PTPRN2: variants seen among roughly 807,000 people sequenced by gnomAD.
PTPRN2 encodes the protein protein tyrosine phosphatase receptor type N2.
PTPRN2 carries 74 observed loss-of-function variants against 118.8 expected under a neutral mutation model. The ratio of observed to expected loss-of-function variants is 0.62; its 90% CI spans 0.52 to 0.76. The LOEUF (loss-of-function observed/expected upper bound fraction) is 0.76. Ranked by LOEUF, PTPRN2 falls within the 30% of genes least tolerant of loss-of-function variation. The pLI, the probability that PTPRN2 is intolerant of heterozygous loss-of-function variation, is 0.00. For synonymous variants in PTPRN2, 641 were observed against 608.0 expected, an observed-to-expected ratio of 1.05 and a Z score of -0.80; for missense variants, 1,481 against 1,394.4, an observed-to-expected ratio of 1.06 and a Z score of -0.99.
At chr7:158,102,200 C>T (rs1259179448) in intron 10 of PTPRN2, among the ~76,000 whole-genome samples, 1 of 152,190 alleles carries the variant, frequency 6.6e-6, no homozygotes. Flanking sequence ...AGGGAACCTT[C>T]AGAAAACACT....
chr7:158,253,071 C>A (rs1043327881), intron 3 of PTPRN2, among the ~76,000 whole-genome samples: 1 of 152,226 alleles, frequency 6.6e-6, no homozygotes, highest in Non-Finnish European at 1.5e-5. Flanking sequence ...CCAAACCCAA[C>A]CACAGTTCCA....
In PTPRN2 at chr7:158,033,218, T is replaced by A. The variant is rs1217703145; in HGVS notation, c.1723+48080A>T. On this transcript the variant is annotated intron_variant, in intron 11 of 22. Coordinates refer to ENST00000389418, the MANE Select transcript of PTPRN2 (RefSeq NM_002847.5). ...GCCTGGTGGTGGCCACCAAGCCTGATGGAGCCATCAGGGCCACACATGGAG... is the reference window on the plus strand; with the variant it reads ...GCCTGGTGGTGGCCACCAAGCCTGAAGGAGCCATCAGGGCCACACATGGAG... Among the ~76,000 whole-genome samples, 3 of 110,398 alleles carry A rather than the reference T, an allele frequency of 2.7e-5. No homozygotes were observed. The South Asian group carries it at 8.1e-4, about 30-fold the overall frequency. 72.4% of individuals were successfully genotyped at this position (110,398 alleles called of 152,430 possible). A position where few individuals can be genotyped will look rare whatever the true frequency, so the allele number is the denominator to read the frequency against.
rs113022466 is a variant in PTPRN2, at chr7:157,778,619, C to T, written c.1789-95682G>A. Among the ~76,000 whole-genome samples, 148 of 151,808 alleles carry T rather than the reference C, an allele frequency of 9.7e-4. 4 individuals carry two copies. Among genetic ancestry groups the T allele is most frequent in the African/African-American group, 3.3e-3 (138 of 41,340 alleles). On this transcript the variant is annotated intron_variant, in intron 12 of 22. Coordinates refer to ENST00000389418, the MANE Select transcript of PTPRN2 (RefSeq NM_002847.5). ...AACATGTACATGTGAATACAGGTAT[C>T]GAATGCCTATGTAGACATGTACACA...
At position 157,874,106 on chromosome 7, in the gene PTPRN2, T is replaced by C. The variant is rs80225468; in HGVS notation, c.1788+24567A>G. ...TCACACATCTTCAGACCAGGCCTTCTGCAACGATTCTCTGGCCTCTCTGCT... is the reference window on the plus strand; with the variant it reads ...TCACACATCTTCAGACCAGGCCTTCCGCAACGATTCTCTGGCCTCTCTGCT... On this transcript the variant is annotated intron_variant, in intron 12 of 22. Coordinates refer to ENST00000389418, the MANE Select transcript of PTPRN2 (RefSeq NM_002847.5). The surrounding 1 kb of genome is among the most constrained non-coding windows in gnomAD (Gnocchi z 5.8). Among the ~76,000 whole-genome samples, 4,596 of 152,286 alleles carry C rather than the reference T, an allele frequency of 0.03. 239 individuals carry two copies. The highest frequency in any genetic ancestry group is 0.1 in the African/African-American group (4,360 of 41,544).
intron 11 of PTPRN2, among the ~76,000 whole-genome samples, chr7:158,017,295 T>C (rs1351745287): frequency 3.3e-5 from 5 of 152,172 alleles, no homozygotes; most frequent in Non-Finnish European, 7.4e-5. Context: ...GAGGCCCCGC[T>C]GGAATCACTA....
intron 1 of PTPRN2, among the ~76,000 whole-genome samples, chr7:158,579,434 G>A (rs1828514102): frequency 2.6e-5 from 4 of 152,120 alleles, no homozygotes; most frequent in African/African-American, 4.8e-5. Context: ...TGGTTACCAA[G>A]GACTCTCCCA....
At chr7:158,407,137 CGTCCT>C (rs1813526325) in intron 2 of PTPRN2, among the ~76,000 whole-genome samples, 1 of 114,662 alleles carries the variant, frequency 8.7e-6, no homozygotes, top group Non-Finnish European at 1.8e-5. Flanking sequence ...CTGGGTCCTG[CGTCCT>C]GCGTCCTGGG....
chr7:157,851,866 G>C (rs1368848154), intron 12 of PTPRN2, among the ~76,000 whole-genome samples: 1 of 152,202 alleles, frequency 6.6e-6, no homozygotes, highest in Non-Finnish European at 1.5e-5. Context: ...GCGCTCCCGC[G>C]CCTGCCCTAC....
At chr7:158,084,520 T>C (rs1813101868) in intron 10 of PTPRN2, among the ~76,000 whole-genome samples, 1 of 151,982 alleles carries the variant, frequency 6.6e-6, no homozygotes, top group Non-Finnish European at 1.5e-5. Context: ...TCTGTACTAA[T>C]CAGGAAATAA....
intron 11 of PTPRN2, among the ~76,000 whole-genome samples, chr7:158,024,032 T>G (rs1242279042): frequency 6.6e-6 from 1 of 152,170 alleles, no homozygotes; most frequent in Non-Finnish European, 1.5e-5. Flanking sequence ...TGCTAACCAC[T>G]GGTATCTATC....
chr7:157,631,693 G>A (rs1036225607), intron 14 of PTPRN2, among the ~76,000 whole-genome samples: 10 of 152,316 alleles, frequency 6.6e-5, no homozygotes, highest in African/African-American at 1.9e-4. Context: ...TTAGCCAGGC[G>A]TGGTGGTGGG....
chr7:158,323,290 A>G (rs1386762742), intron 2 of PTPRN2, among the ~76,000 whole-genome samples: 1 of 152,162 alleles, frequency 6.6e-6, no homozygotes, highest in African/African-American at 2.4e-5. Context: ...TGCAGACAGA[A>G]GGCTGGACCC....
Position 158,306,876 on chromosome 7 carries a change from T to G in PTPRN2, c.277+9943A>C, listed in dbSNP as rs1416195810. 6.7e-3 allele frequency among the ~76,000 whole-genome samples: 993 copies of G among 147,392 alleles called. 6 individuals carry two copies. The highest frequency in any genetic ancestry group is 0.025 in the African/African-American group (941 of 38,380). Reference sequence around the variant, plus strand: ...TTTTGTTTTTTTTTTTTTTTTTTTTTTTTTTTTTTAGACAGAGTCTTGCTC... The same window carrying G: ...TTTTGTTTTTTTTTTTTTTTTTTTTGTTTTTTTTTAGACAGAGTCTTGCTC... On this transcript the variant is annotated intron_variant, in intron 3 of 22. Transcript: ENST00000389418.
At chr7:158,062,458 G>A (rs114672677) in intron 11 of PTPRN2, among the ~76,000 whole-genome samples, 1,726 of 152,318 alleles carry the variant, frequency 0.011, 28 homozygotes, top group African/African-American at 0.033. Context: ...TGGCCTTGGC[G>A]CCCACTCTGG....
Position 157,986,464 on chromosome 7 carries a change from G to T in PTPRN2, c.1724-87727C>A, listed in dbSNP as rs999033786. Among the ~76,000 whole-genome samples the T allele has an allele frequency of 1.3e-5, 2 of 152,096 alleles. No individual in the cohort carries two copies. Among genetic ancestry groups the T allele is most frequent in the Non-Finnish European group, 2.9e-5 (2 of 68,026 alleles). ...GTCAGTGGCAGAGGTGGGGCTGGAGGTCAGAACTGGCTGCATCCGTCTCCA... is the reference window on the plus strand; with the variant it reads ...GTCAGTGGCAGAGGTGGGGCTGGAGTTCAGAACTGGCTGCATCCGTCTCCA... On this transcript the variant is annotated intron_variant, in intron 11 of 22. Coordinates refer to ENST00000389418, the MANE Select transcript of PTPRN2 (RefSeq NM_002847.5). This position sits in a 1 kb window ranked among gnomAD's most constrained non-coding sequence, Gnocchi z 4.5.
intron 17 of PTPRN2, among the ~76,000 whole-genome samples, chr7:157,594,241 G>GGCTGAC (rs1801155829): frequency 6.6e-6 from 1 of 152,246 alleles, no homozygotes; most frequent in African/African-American, 2.4e-5. Flanking sequence ...AGTCACGCGA[G>GGCTGAC]GCTGACGGGA....
At chr7:158,128,078 C>T (rs1327701951) in intron 9 of PTPRN2, among the ~76,000 whole-genome samples, 3 of 152,162 alleles carry the variant, frequency 2.0e-5, no homozygotes, top group Admixed American at 6.5e-5. Context: ...AGTTCTAAAC[C>T]ACATTCCTCT....
Position 157,619,091 on chromosome 7 carries a change from G to C in PTPRN2, c.2344+2271C>G, listed in dbSNP as rs1196674680. Among the ~76,000 whole-genome samples the C allele has an allele frequency of 1.3e-5, 2 of 152,008 alleles. No homozygotes were observed. The highest frequency in any genetic ancestry group is 1.9e-4 in the East Asian group (1 of 5,166). Reference sequence around the variant, plus strand: ...GGCTGCCTGTGTCCCATCTGAGCACGGACCACTTCACCATCACTAGGTCCC... The same window carrying C: ...GGCTGCCTGTGTCCCATCTGAGCACCGACCACTTCACCATCACTAGGTCCC... On this transcript the variant is annotated intron_variant, in intron 15 of 22. Transcript: ENST00000389418. The surrounding 1 kb of genome is among the most constrained non-coding windows in gnomAD (Gnocchi z 5.3).
At chr7:157,971,139 T>G (rs1802304048) in intron 11 of PTPRN2, among the ~76,000 whole-genome samples, 1 of 152,242 alleles carries the variant, frequency 6.6e-6, no homozygotes, top group Non-Finnish European at 1.5e-5. Context: ...AGAGCTGGAT[T>G]CTGTTCATCT....
Sources: allele counts gnomAD v4.1 joint callset (sites outside exome capture counted in the v4.1 genomes callset), GRCh38; gene constraint gnomAD v4.1.1; non-coding constraint Gnocchi (gnomAD v3.1); transcripts MANE v1.5; gene names NCBI Gene and HGNC (gene_info 2026-07-23, HGNC 2026-07-21).